Variants in SNTG1 observed in about 807,000 individuals in gnomAD.
SNTG1 encodes the protein syntrophin gamma 1.
Under a neutral mutation model 74.7 loss-of-function variants are expected in SNTG1, and 39 were observed. The ratio of observed to expected loss-of-function variants is 0.52; its 90% CI spans 0.40 to 0.68. SNTG1 has a LOEUF of 0.68. SNTG1 is among the 30% of genes least tolerant of loss of function. SNTG1 has a pLI of 0.00. For missense variants in SNTG1, 685 were observed against 609.5 expected, an observed-to-expected ratio of 1.12 and a Z score of -1.30; for synonymous variants, 254 against 217.1, an observed-to-expected ratio of 1.17 and a Z score of -1.49.
chr8:50,242,867 A>G (rs2086228345), intron 2 of SNTG1, among the ~76,000 whole-genome samples: 1 of 151,668 alleles, frequency 6.6e-6, no homozygotes, highest in Middle Eastern at 3.2e-3. Context: ...CCTTTTATTT[A>G]TTTATGTGCT....
chr8:50,514,574 C>T (rs1378922342), intron 9 of SNTG1, among the ~76,000 whole-genome samples: 4 of 151,924 alleles, frequency 2.6e-5, no homozygotes, highest in African/African-American at 9.7e-5. Flanking sequence ...ATTTTAATTC[C>T]ATTGTATCAG....
intron 12 of SNTG1, among the ~76,000 whole-genome samples, chr8:50,556,145 C>T (rs1203511114): frequency 6.6e-6 from 1 of 152,108 alleles, no homozygotes; most frequent in African/African-American, 2.4e-5. Context: ...TATCATTATT[C>T]AGAGTGGCTC....
intron 5 of SNTG1, 88 bp from the exon 6 acceptor site, chr8:50,449,580 C>T: frequency 1.1e-6 from 1 of 946,522 alleles, no homozygotes; most frequent in Non-Finnish European, 1.5e-6. Context: ...ATCCACTTAA[C>T]ATTCCCTTCA....
intron 1 of SNTG1, among the ~76,000 whole-genome samples, chr8:50,112,737 G>A (rs1427913241): frequency 6.6e-6 from 1 of 151,804 alleles, no homozygotes; most frequent in African/African-American, 2.4e-5. Flanking sequence ...TGGCCAGGCT[G>A]GTCTCAAGTG....
rs371435243 is a variant in SNTG1 at position 50,627,831 on chromosome 8, C to A, written c.850-29078C>A. 2.2e-4 allele frequency among the ~76,000 whole-genome samples: 33 copies of A among 152,244 alleles called. 1 individual carries two copies. The highest frequency in any genetic ancestry group is 7.2e-4 in the African/African-American group (30 of 41,532). ...CTCCTTCAGGAACATGGGGTGCTAC[C>A]CTCCAGGAACACGTTCAGCTATCTG... On this transcript the variant is annotated intron_variant, in intron 13 of 18. Coordinates refer to ENST00000642720, the MANE Select transcript of SNTG1 (RefSeq NM_018967.5).
intron 13 of SNTG1, among the ~76,000 whole-genome samples, chr8:50,615,767 T>C (rs975245145): frequency 1.3e-5 from 2 of 152,210 alleles, no homozygotes; most frequent in Admixed American, 1.3e-4. Flanking sequence ...ACAGCTGACT[T>C]GTGTGCCACA....
intron 1 of SNTG1, among the ~76,000 whole-genome samples, chr8:50,023,554 C>T (rs1473017700): frequency 6.6e-6 from 1 of 152,058 alleles, no homozygotes; most frequent in Non-Finnish European, 1.5e-5. Context: ...AAAGTTTATT[C>T]ATGTATGCAA....
intron 1 of SNTG1, among the ~76,000 whole-genome samples, chr8:50,102,155 A>C (rs1410978025): frequency 4.4e-4 from 65 of 148,416 alleles, no homozygotes; most frequent in African/African-American, 1.6e-3. Flanking sequence ...CAATGGTTGA[A>C]CTAGTTTACA....
intron 12 of SNTG1, among the ~76,000 whole-genome samples, chr8:50,579,515 A>G (rs1585743701): frequency 6.6e-6 from 1 of 152,144 alleles, no homozygotes; most frequent in Non-Finnish European, 1.5e-5. Context: ...AGCCCCTCCC[A>G]TCACAGCCAC....
At chr8:50,744,153 A>G (rs2095549993) in intron 17 of SNTG1, among the ~76,000 whole-genome samples, 1 of 152,028 alleles carries the variant, frequency 6.6e-6, no homozygotes, top group African/African-American at 2.4e-5. Context: ...TTAGATTTCA[A>G]CATGAGATTT....
At chr8:50,328,959 A>T (rs929614155) in intron 2 of SNTG1, among the ~76,000 whole-genome samples, 8 of 152,240 alleles carry the variant, frequency 5.3e-5, no homozygotes, top group African/African-American at 1.9e-4. Flanking sequence ...ATGTGGGTGT[A>T]AGCATTGGAT....
At chr8:50,340,696 T>G (rs915613745) in intron 2 of SNTG1, among the ~76,000 whole-genome samples, 1 of 151,886 alleles carries the variant, frequency 6.6e-6, no homozygotes, top group South Asian at 2.1e-4. Flanking sequence ...TACCAAAGCA[T>G]GATCTATGAA....
At chr8:50,613,336 C>G (rs2094864350) in intron 13 of SNTG1, among the ~76,000 whole-genome samples, 1 of 151,970 alleles carries the variant, frequency 6.6e-6, no homozygotes, top group Non-Finnish European at 1.5e-5. Context: ...ATGTGTCTTC[C>G]AACAAAACAT....
intron 2 of SNTG1, among the ~76,000 whole-genome samples, chr8:50,317,555 G>C (rs181202547): frequency 6.6e-6 from 1 of 152,180 alleles, no homozygotes; most frequent in African/African-American, 2.4e-5. Flanking sequence ...CAGGATGATG[G>C]TGTATGAAAC....
chr8:50,262,037 G>T (rs2087219401), intron 2 of SNTG1, among the ~76,000 whole-genome samples: 1 of 151,994 alleles, frequency 6.6e-6, no homozygotes, highest in Non-Finnish European at 1.5e-5. Flanking sequence ...AATTAAACTG[G>T]AAATCAATAA....
At chr8:50,275,444 A>T (rs2088039282) in intron 2 of SNTG1, among the ~76,000 whole-genome samples, 1 of 152,076 alleles carries the variant, frequency 6.6e-6, no homozygotes, top group Non-Finnish European at 1.5e-5. Context: ...CTAGCATATT[A>T]GTTTATATCT....
intron 1 of SNTG1, among the ~76,000 whole-genome samples, chr8:50,104,431 G>A (rs989057215): frequency 7.2e-5 from 11 of 151,900 alleles, no homozygotes; most frequent in Non-Finnish European, 1.0e-4. Context: ...TTTTTATTGC[G>A]TCTATTTTAT....
chr8:50,657,922 C>T (rs1585983076), intron 14 of SNTG1, among the ~76,000 whole-genome samples: 1 of 152,158 alleles, frequency 6.6e-6, no homozygotes, highest in South Asian at 2.1e-4. Flanking sequence ...AAATGCCAGA[C>T]CAGTCACTTG....
intron 10 of SNTG1, among the ~76,000 whole-genome samples, chr8:50,533,020 A>G (rs1356585290): frequency 6.6e-6 from 1 of 152,222 alleles, no homozygotes; most frequent in Non-Finnish European, 1.5e-5. Flanking sequence ...ATAGTATATT[A>G]GCATCATTCC....
Sources: allele counts gnomAD v4.1 joint callset (sites outside exome capture counted in the v4.1 genomes callset), GRCh38; gene constraint gnomAD v4.1.1; transcripts MANE v1.5; gene names NCBI Gene and HGNC (gene_info 2026-07-23, HGNC 2026-07-21).